Variants in AEBP2 observed in about 807,000 individuals in gnomAD.
The protein encoded by AEBP2 is zinc finger protein AEBP2.
In AEBP2, 10 loss-of-function variants were observed where a neutral mutation model predicts 50.8. The observed-to-expected ratio is 0.20, with a 90% CI of 0.12 to 0.33. The LOEUF is 0.33. Ranked by LOEUF, AEBP2 falls within the 10% of genes least tolerant of loss-of-function variation. AEBP2 has a pLI of 1.00. For synonymous variants in AEBP2, 296 were observed against 261.3 expected (o/e 1.13, Z -1.28); for missense variants, 570 against 688.0 (o/e 0.83, Z 1.92).
intron 1 of AEBP2, among the ~76,000 whole-genome samples, chr12:19,413,924 C>T (rs1435266487): frequency 2.7e-5 from 4 of 150,208 alleles, no homozygotes; most frequent in African/African-American, 9.8e-5. Context: ...GAGACAGTCT[C>T]ACTGTGTCAC....
Position 19,518,858 on chromosome 12 carries a change from C to A in AEBP2, c.*741C>A. The A allele has an allele frequency of 1.9e-6, 1 of 512,854 alleles. No individual in the cohort carries two copies. Among genetic ancestry groups the A allele is most frequent in the Non-Finnish European group, 3.1e-6 (1 of 319,238 alleles). The allele number at this position is 512,854 out of a possible 1,614,324, so 31.8% of individuals were successfully genotyped here. A position where few individuals can be genotyped will look rare whatever the true frequency, so the allele number is the denominator to read the frequency against. ...TGGAGTACAGTATGTTAATATTTACCTATATAACTAATCTGTTAACGGTTT... is the reference window on the plus strand; with the variant it reads ...TGGAGTACAGTATGTTAATATTTACATATATAACTAATCTGTTAACGGTTT... On this transcript the variant is annotated 3_prime_UTR_variant, in exon 8 of 8. Transcript: ENST00000266508.
intron 3 of AEBP2, among the ~76,000 whole-genome samples, chr12:19,486,142 C>T (rs780566961): frequency 6.6e-6 from 1 of 151,988 alleles, no homozygotes; most frequent in Non-Finnish European, 1.5e-5. Context: ...TCTTCTCCTG[C>T]CCTCCACCCA....
chr12:19,501,603 C>T (rs371979941), intron 5 of AEBP2, among the ~76,000 whole-genome samples: 12 of 151,616 alleles, frequency 7.9e-5, no homozygotes, highest in African/African-American at 2.9e-4. Context: ...TGGCACTGCA[C>T]TGCAGCCTGG....
At chr12:19,473,448 C>A in intron 3 of AEBP2, 93 bp downstream of exon 3, 1 of 484,854 alleles carries the variant, frequency 2.1e-6, no homozygotes, top group Non-Finnish European at 2.8e-6. Context: ...CTCTGTTGCC[C>A]AGGCTGGAGT....
At chr12:19,431,575 C>T (rs1361449505) in intron 1 of AEBP2, among the ~76,000 whole-genome samples, 1 of 152,174 alleles carries the variant, frequency 6.6e-6, no homozygotes, top group African/African-American at 2.4e-5. Flanking sequence ...ACTACACCTA[C>T]ATATGACCTC....
intron 1 of AEBP2, among the ~76,000 whole-genome samples, chr12:19,449,826 A>T (rs1316703272): frequency 6.6e-6 from 1 of 152,182 alleles, no homozygotes; most frequent in African/African-American, 2.4e-5. Context: ...CTTAAAAAAT[A>T]CTACTTAAGT....
intron 1 of AEBP2, chr12:19,457,115 C>T: frequency 6.2e-7 from 1 of 1,600,464 alleles, no homozygotes; most frequent in South Asian, 1.1e-5. Context: ...TAAGTGTTGA[C>T]TTCCTTAACA....
chr12:19,451,374 A>C (rs1330283152), intron 1 of AEBP2, among the ~76,000 whole-genome samples: 1 of 152,166 alleles, frequency 6.6e-6, no homozygotes, highest in Admixed American at 6.5e-5. Context: ...GGGGGTCAGA[A>C]CAGCTGGGGC....
intron 1 of AEBP2, chr12:19,457,674 A>G: frequency 1.5e-6 from 2 of 1,323,246 alleles, no homozygotes; most frequent in South Asian, 3.9e-5. Context: ...TAGTTTTCAC[A>G]ACACCTGTGT....
intron 1 of AEBP2, among the ~76,000 whole-genome samples, chr12:19,410,004 G>T (rs2095738423): frequency 6.6e-6 from 1 of 152,162 alleles, no homozygotes; most frequent in Admixed American, 6.6e-5. Context: ...CCAGGGACCT[G>T]ATTTCAACCC....
chr12:19,519,893 T>C lies in AEBP2; in HGVS notation c.*1776T>C, dbSNP rs1385272283. On this transcript the variant is annotated 3_prime_UTR_variant, in exon 8 of 8. Coordinates refer to ENST00000266508, the MANE Select transcript of AEBP2 (RefSeq NM_153207.5). ...ACTGCTACTATAAGACATTCTGGAA[T>C]GGTTGTTTAATAAGGGTATTATCCA... 6.6e-6 allele frequency: 1 copy of C among 152,424 alleles called. No individual in the cohort carries two copies. The highest frequency in any genetic ancestry group is 1.5e-5 in the Non-Finnish European group (1 of 67,980). 9.4% of individuals were successfully genotyped at this position (152,424 alleles called of 1,614,324 possible).
intron 2 of AEBP2, 101 bp downstream of exon 2, chr12:19,462,818 T>A: frequency 9.2e-7 from 1 of 1,084,550 alleles, no homozygotes; most frequent in South Asian, 1.8e-5. Context: ...TTGGGATTAT[T>A]TTTACACAGG....
chr12:19,441,312 T>G (rs961581112), intron 1 of AEBP2, among the ~76,000 whole-genome samples: 1 of 152,204 alleles, frequency 6.6e-6, no homozygotes, highest in Non-Finnish European at 1.5e-5. Context: ...ATGTTTCAAT[T>G]GTCTTATCAT....
At chr12:19,500,810 C>T (rs1949056769) in intron 5 of AEBP2, among the ~76,000 whole-genome samples, 1 of 152,126 alleles carries the variant, frequency 6.6e-6, no homozygotes. Flanking sequence ...ATGTTGTCAA[C>T]AGAGAAGAAG....
At chr12:19,491,486 CTA>C (rs2120434830) in intron 3 of AEBP2, among the ~76,000 whole-genome samples, 2 of 152,160 alleles carry the variant, frequency 1.3e-5, no homozygotes, top group East Asian at 3.9e-4. Flanking sequence ...AGTGTAGTAT[CTA>C]TATCTTATTC....
At chr12:19,430,144 G>A (rs369596576) in intron 1 of AEBP2, among the ~76,000 whole-genome samples, 1 of 151,932 alleles carries the variant, frequency 6.6e-6, no homozygotes, top group African/African-American at 2.4e-5. Context: ...ATCTTGAATT[G>A]ATTTTTGTAT....
At chr12:19,442,201 A>T (rs1947974383) in intron 1 of AEBP2, among the ~76,000 whole-genome samples, 1 of 152,146 alleles carries the variant, frequency 6.6e-6, no homozygotes, top group South Asian at 2.1e-4. Flanking sequence ...CTGAGTTGGG[A>T]GTTTGAGATC....
intron 1 of AEBP2, chr12:19,413,049 C>T (rs893070934): frequency 7.8e-5 from 38 of 486,730 alleles, no homozygotes; most frequent in Middle Eastern, 6.0e-4. Flanking sequence ...CTCGTCCTGG[C>T]GGGCCTGGAT....
chr12:19,417,808 G>A (rs918814658), intron 1 of AEBP2, among the ~76,000 whole-genome samples: 8 of 151,870 alleles, frequency 5.3e-5, no homozygotes, highest in Non-Finnish European at 7.4e-5. Context: ...GGGTTCAAAC[G>A]ATTCTCCTGC....
Sources: allele counts gnomAD v4.1 joint callset (sites outside exome capture counted in the v4.1 genomes callset), GRCh38; gene constraint gnomAD v4.1.1; transcripts MANE v1.5; gene names NCBI Gene and HGNC (gene_info 2026-07-23, HGNC 2026-07-21).